Variants in NWD2 observed in about 807,000 individuals in gnomAD.
The protein encoded by NWD2 is NACHT and WD repeat domain containing 2.
In NWD2, 37 loss-of-function variants were observed where a neutral mutation model predicts 132.7. That is an observed-to-expected ratio of 0.28 (90% CI 0.21 to 0.37). The LOEUF is 0.37. Among genes scored for constraint, NWD2 ranks in the 10% least tolerant of loss-of-function variants. NWD2 has a pLI of 1.00. For synonymous variants in NWD2, 705 were observed against 803.0 expected, an observed-to-expected ratio of 0.88 and a Z score of 2.06; for missense variants, 1,592 against 2,122.4, an observed-to-expected ratio of 0.75 and a Z score of 4.91.
chr4:37,373,972 G>C (rs1720287401), intron 3 of NWD2, among the ~76,000 whole-genome samples: 1 of 152,198 alleles, frequency 6.6e-6, no homozygotes, highest in South Asian at 2.1e-4. Context: ...ACCGTGCATA[G>C]AGAATAGACC....
chr4:37,295,352 C>T (rs1718452331), intron 1 of NWD2, among the ~76,000 whole-genome samples: 1 of 152,194 alleles, frequency 6.6e-6, no homozygotes, highest in African/African-American at 2.4e-5. Flanking sequence ...GTGAATCTAT[C>T]TCTTTAAAGG....
At chr4:37,388,229 A>T (rs1485078201) in intron 3 of NWD2, among the ~76,000 whole-genome samples, 1 of 151,812 alleles carries the variant, frequency 6.6e-6, no homozygotes, top group Non-Finnish European at 1.5e-5. Flanking sequence ...TGTTGCCCAG[A>T]CTGGAGTGCA....
At chr4:37,341,809 G>A (rs1719532886) in intron 2 of NWD2, among the ~76,000 whole-genome samples, 3 of 152,102 alleles carry the variant, frequency 2.0e-5, no homozygotes, top group Admixed American at 2.0e-4. Context: ...TAAATAAGTG[G>A]CTCTATGTAG....
At position 37,439,950 on chromosome 4, in the gene NWD2, G is replaced by A. The variant is rs746250820; in HGVS notation, c.1296+560G>A. 1.4e-4 allele frequency among the ~76,000 whole-genome samples: 22 copies of A among 152,094 alleles called. No individual in the cohort carries two copies. The highest frequency in any genetic ancestry group is 6.5e-5 in the Admixed American group (1 of 15,278). On this transcript the variant is annotated intron_variant, in intron 6 of 6. Transcript: ENST00000309447. The surrounding 1 kb of genome is among the most constrained non-coding windows in gnomAD (Gnocchi z 4.5). ...GATTCCTATAAAGTCACAGTTTAGG[G>A]GATATGGGAAAGGTAAGGTGGCCAG...
intron 1 of NWD2, among the ~76,000 whole-genome samples, chr4:37,251,386 T>C (rs1577644069): frequency 6.6e-6 from 1 of 152,246 alleles, no homozygotes; most frequent in Non-Finnish European, 1.5e-5. Flanking sequence ...GGCACATGAC[T>C]GTAGTAAAAT....
At chr4:37,364,960 T>TAAAG (rs1720067038) in intron 3 of NWD2, among the ~76,000 whole-genome samples, 1 of 152,108 alleles carries the variant, frequency 6.6e-6, no homozygotes, top group South Asian at 2.1e-4. Context: ...GGCAGAAGAG[T>TAAAG]AAAGACAAGA....
intron 3 of NWD2, among the ~76,000 whole-genome samples, chr4:37,386,770 G>C (rs998998434): frequency 1.3e-5 from 2 of 151,934 alleles, no homozygotes; most frequent in Non-Finnish European, 2.9e-5. Flanking sequence ...TGTTCATGGG[G>C]TGGGTCTCTC....
At chr4:37,337,424 T>C (rs1577672552) in intron 2 of NWD2, among the ~76,000 whole-genome samples, 1 of 152,258 alleles carries the variant, frequency 6.6e-6, no homozygotes, top group Non-Finnish European at 1.5e-5. Context: ...AGTGTCAGCT[T>C]CCTAGGTGTG....
chr4:37,321,105 C>G (rs189344654), intron 1 of NWD2, among the ~76,000 whole-genome samples: 1 of 151,774 alleles, frequency 6.6e-6, no homozygotes, highest in East Asian at 1.9e-4. Context: ...TGCAGTGAGC[C>G]GAGATCATGC....
At chr4:37,287,809 T>C (rs1483602264) in intron 1 of NWD2, among the ~76,000 whole-genome samples, 1 of 152,230 alleles carries the variant, frequency 6.6e-6, no homozygotes, top group East Asian at 1.9e-4. Flanking sequence ...GCTTCATTAA[T>C]GGGTCCTGTT....
intron 3 of NWD2, among the ~76,000 whole-genome samples, chr4:37,390,614 G>A (rs778989481): frequency 5.3e-5 from 8 of 152,082 alleles, no homozygotes; most frequent in East Asian, 1.9e-4. Flanking sequence ...CTACTCAGGC[G>A]ATTATCTGTG....
intron 1 of NWD2, among the ~76,000 whole-genome samples, chr4:37,265,091 T>TA (rs1020228903): frequency 1.3e-4 from 20 of 152,002 alleles, no homozygotes; most frequent in African/African-American, 4.8e-4. Context: ...GACTTGATTG[T>TA]AAAAAACTCC....
chr4:37,281,489 A>G (rs927822838), intron 1 of NWD2, among the ~76,000 whole-genome samples: 8 of 152,264 alleles, frequency 5.3e-5, no homozygotes, highest in Admixed American at 3.3e-4. Context: ...CTATGAACCT[A>G]TTAAGGAAAA....
At chr4:37,377,355 T>G (rs1478327974) in intron 3 of NWD2, among the ~76,000 whole-genome samples, 1 of 152,194 alleles carries the variant, frequency 6.6e-6, no homozygotes, top group Non-Finnish European at 1.5e-5. Context: ...AAAATTAAAT[T>G]CACTCATAAG....
At chr4:37,339,241 G>T (rs918938786) in intron 2 of NWD2, among the ~76,000 whole-genome samples, 2 of 152,200 alleles carry the variant, frequency 1.3e-5, no homozygotes, top group African/African-American at 4.8e-5. Flanking sequence ...AGACAAAGAG[G>T]CAAAAGGGAA....
chr4:37,275,085 C>T (rs1268870929), intron 1 of NWD2, among the ~76,000 whole-genome samples: 2 of 151,730 alleles, frequency 1.3e-5, no homozygotes, highest in Non-Finnish European at 2.9e-5. Flanking sequence ...GCCAGGGCAA[C>T]CAGGCAGGAG....
chr4:37,400,037 A>T (rs530988764), intron 3 of NWD2, among the ~76,000 whole-genome samples: 9 of 152,348 alleles, frequency 5.9e-5, no homozygotes, highest in Admixed American at 3.3e-4. Flanking sequence ...ACTGGAGTTA[A>T]GATTGTAGAC....
chr4:37,316,674 A>G (rs568585693), intron 1 of NWD2, among the ~76,000 whole-genome samples: 1 of 152,192 alleles, frequency 6.6e-6, no homozygotes, highest in Non-Finnish European at 1.5e-5. Flanking sequence ...TATTGTTTAA[A>G]CATTGTTAAC....
chr4:37,355,617 A>T (rs1325378877), intron 2 of NWD2, among the ~76,000 whole-genome samples: 2 of 152,216 alleles, frequency 1.3e-5, no homozygotes, highest in Non-Finnish European at 2.9e-5. Flanking sequence ...CTTTATGCAG[A>T]CAGCAGCTGA....
Sources: allele counts gnomAD v4.1 joint callset (sites outside exome capture counted in the v4.1 genomes callset), GRCh38; gene constraint gnomAD v4.1.1; non-coding constraint Gnocchi (gnomAD v3.1); transcripts MANE v1.5; gene names NCBI Gene and HGNC (gene_info 2026-07-23, HGNC 2026-07-21).